Variants in NAPB observed in about 807,000 individuals in gnomAD.
The protein encoded by NAPB is NSF attachment protein beta.
Under a neutral mutation model 44.7 loss-of-function variants are expected in NAPB, and 26 were observed. The ratio of observed to expected loss-of-function variants is 0.58; its 90% CI spans 0.43 to 0.81. NAPB has a LOEUF of 0.81. Among genes scored for constraint, NAPB ranks in the 30% least tolerant of loss-of-function variants. The pLI, the probability that NAPB is intolerant of heterozygous loss-of-function variation, is 0.00. For synonymous variants in NAPB, 120 were observed against 116.8 expected (o/e 1.03, Z -0.18); for missense variants, 315 against 356.4 (o/e 0.88, Z 0.94).
At chr20:23,407,494 T>C (rs566795517) in intron 1 of NAPB, among the ~76,000 whole-genome samples, 1 of 152,202 alleles carries the variant, frequency 6.6e-6, no homozygotes, top group Admixed American at 6.5e-5. Flanking sequence ...AGAAAACATT[T>C]TCCCCACCGT....
At position 23,390,221 on chromosome 20, in the gene NAPB, TCTC is replaced by T; in HGVS notation, c.461_463del (p.Gly154del). On this transcript the variant is annotated inframe_deletion, in exon 6 of 11. Transcript: ENST00000377026. ...AAGTAATACTTGCCTGTTGGATTCT[TCTC>T]CTTTGTAATAATCAGCAGATTGTTC... is the stretch of plus-strand genomic sequence containing the variant. 1 of 1,610,644 alleles carries T rather than the reference TCTC, an allele frequency of 6.2e-7. No homozygotes were observed. The highest frequency in any genetic ancestry group is 8.5e-7 in the Non-Finnish European group (1 of 1,176,932).
At chr20:23,389,788 T>C (rs1487139410) in intron 7 of NAPB, among the ~76,000 whole-genome samples, 158 bp downstream of exon 7, 1 of 152,228 alleles carries the variant, frequency 6.6e-6, no homozygotes, top group Non-Finnish European at 1.5e-5. Context: ...AATTAAGTAG[T>C]GGTGATAGTT....
chr20:23,406,648 A>G (rs1366010193), intron 1 of NAPB, among the ~76,000 whole-genome samples: 1 of 152,172 alleles, frequency 6.6e-6, no homozygotes, highest in Non-Finnish European at 1.5e-5. Flanking sequence ...TTAAAAAAAA[A>G]GAAAAACAGC....
chr20:23,379,566 G>A lies in NAPB; in HGVS notation c.736-71C>T, dbSNP rs910656882. The stretch of plus-strand genomic sequence containing the variant: ...TCCCATTTCTAAATATATACTTTAA[G>A]TATAATACCAATGTTGCCAAATATT... On this transcript the variant is annotated intron_variant, in intron 9 of 10. Transcript: ENST00000377026. The A allele has an allele frequency of 9.2e-6, 11 of 1,201,316 alleles. No individual in the cohort carries two copies. In the African/African-American group the frequency reaches 1.5e-4, roughly 17 times the overall value. The allele number at this position is 1,201,316 out of a possible 1,614,324, so 74.4% of individuals were successfully genotyped here. A position where few individuals can be genotyped will look rare whatever the true frequency, so the allele number is the denominator to read the frequency against.
chr20:23,380,451 G>A (rs139827395), intron 8 of NAPB, among the ~76,000 whole-genome samples: 60 of 151,992 alleles, frequency 3.9e-4, no homozygotes, highest in African/African-American at 1.4e-3. Flanking sequence ...TTCTGAGCTT[G>A]CCTGTTGTTT....
chr20:23,379,892 T>A lies in NAPB; in HGVS notation c.710A>T (p.Asp237Val). The A allele has an allele frequency of 1.2e-6, 2 of 1,612,820 alleles. No homozygotes were observed. Among genetic ancestry groups the A allele is most frequent in the South Asian group, 2.2e-5 (2 of 90,966 alleles). ...TTTCAATAATTTACATTCTCTTGAA[T>A]CAGTAAATGCTGGAAACATTTCCTC... is the stretch of plus-strand genomic sequence containing the variant. ...KYEEMFPAFT[D>V]SRECKLLKKL... Residue 237 changes from aspartate to valine, a missense_variant, in exon 9 of 11, where the codon GAT becomes GTT. Asp to Val is a radical substitution (Grantham distance 152). Transcript: ENST00000377026.
intron 2 of NAPB, 46 bp from the exon 3 acceptor site, chr20:23,397,234 A>C (rs1406110197): frequency 1.9e-6 from 3 of 1,575,734 alleles, no homozygotes; most frequent in African/African-American, 2.7e-5. Flanking sequence ...AGTCCCCCCC[A>C]GAGCAGCCCA....
chr20:23,404,457 A>G (rs929657590), intron 1 of NAPB, among the ~76,000 whole-genome samples: 5 of 152,196 alleles, frequency 3.3e-5, no homozygotes, highest in Admixed American at 2.6e-4. Flanking sequence ...CCTAGTGCAG[A>G]GCAGAGGCTG....
At chr20:23,417,345 G>C (rs1568625121) in intron 1 of NAPB, among the ~76,000 whole-genome samples, 1 of 152,120 alleles carries the variant, frequency 6.6e-6, no homozygotes, top group Non-Finnish European at 1.5e-5. Context: ...CGGCCTCCCA[G>C]AGTGCTGGGA....
At chr20:23,390,061 A>G in intron 6 of NAPB, 31 bp from the exon 7 acceptor site, 1 of 1,609,406 alleles carries the variant, frequency 6.2e-7, no homozygotes, top group Non-Finnish European at 8.5e-7. Flanking sequence ...AGAGTGAGTA[A>G]CAAGTCAATG....
intron 7 of NAPB, among the ~76,000 whole-genome samples, chr20:23,382,351 C>A (rs1276598053): frequency 6.6e-6 from 1 of 152,072 alleles, no homozygotes; most frequent in Non-Finnish European, 1.5e-5. Flanking sequence ...AACGTTTAAA[C>A]AAGACCCAGT....
chr20:23,379,869 T>C lies in NAPB; in HGVS notation c.733A>G (p.Lys245Glu), dbSNP rs768639043. 2 of 1,607,938 alleles carry C rather than the reference T, an allele frequency of 1.2e-6. No individual in the cohort carries two copies. Among genetic ancestry groups the C allele is most frequent in the Non-Finnish European group, 1.7e-6 (2 of 1,174,892 alleles). The change falls in exon 9 of 11, where the codon AAA (lysine) becomes GAA (glutamate). Residue 245 changes from lysine to glutamate, a missense_variant and splice_region_variant. Around this residue, in one of 3 missense-constraint regions of NAPB, gnomAD observed 120 missense variants for 130.5 expected, o/e 0.92. Coordinates refer to ENST00000377026, the MANE Select transcript of NAPB (RefSeq NM_022080.3). ...FTDSRECKLL[K>E]KLLEAHEEQN... ...TTCAAAGTTCTAATATTACTTACTT[T>C]CAATAATTTACATTCTCTTGAATCA...
chr20:23,379,614 A>G (rs1982836690), intron 9 of NAPB, 119 bp from the exon 10 acceptor site: 1 of 801,142 alleles, frequency 1.2e-6, no homozygotes, highest in Non-Finnish European at 2.0e-6. Context: ...GGAAATACTC[A>G]TATACAAGTC....
At chr20:23,389,228 A>AT (rs200757848) in intron 7 of NAPB, among the ~76,000 whole-genome samples, 8 of 105,400 alleles carry the variant, frequency 7.6e-5, no homozygotes, top group South Asian at 3.1e-4. Context: ...GGTGACTATT[A>AT]TTTAAAAAAA....
At chr20:23,410,264 A>G (rs180726803) in intron 1 of NAPB, among the ~76,000 whole-genome samples, 30 of 152,348 alleles carry the variant, frequency 2.0e-4, no homozygotes, top group African/African-American at 6.7e-4. Flanking sequence ...TACACAACGC[A>G]GCATTTAAAC....
At chr20:23,397,608 T>G (rs1003045207) in intron 2 of NAPB, among the ~76,000 whole-genome samples, 4 of 152,264 alleles carry the variant, frequency 2.6e-5, no homozygotes, top group Non-Finnish European at 4.4e-5. Context: ...TAGTGTCTCC[T>G]ACACTTAGCT....
intron 2 of NAPB, among the ~76,000 whole-genome samples, chr20:23,400,482 T>C (rs1389633344): frequency 2.0e-5 from 3 of 151,830 alleles, no homozygotes; most frequent in East Asian, 3.9e-4. Flanking sequence ...CACCACTGCA[T>C]TCTAGCCTGG....
chr20:23,407,365 G>A (rs1448612620), intron 1 of NAPB, among the ~76,000 whole-genome samples: 1 of 152,214 alleles, frequency 6.6e-6, no homozygotes, highest in Non-Finnish European at 1.5e-5. Context: ...AAAATATTCT[G>A]TGGGGAATCC....
At chr20:23,394,734 C>G (rs1438134189) in intron 5 of NAPB, among the ~76,000 whole-genome samples, 188 bp downstream of exon 5, 1 of 151,986 alleles carries the variant, frequency 6.6e-6, no homozygotes, top group Admixed American at 6.5e-5. Context: ...GCTCTCATGT[C>G]TTAGATGTCC....
Sources: allele counts gnomAD v4.1 joint callset (sites outside exome capture counted in the v4.1 genomes callset), GRCh38; gene constraint gnomAD v4.1.1; regional missense constraint gnomAD v4.1.1; transcripts MANE v1.5; gene names NCBI Gene and HGNC (gene_info 2026-07-23, HGNC 2026-07-21).